The following PRDM16 variants were observed in gnomAD, a reference collection of about 807,000 sequenced individuals.
The protein encoded by PRDM16 is PR/SET domain 16.
In PRDM16, 23 loss-of-function variants were observed where a neutral mutation model predicts 110.6. That is an observed-to-expected ratio of 0.21 (90% CI 0.15 to 0.29). PRDM16 has a LOEUF of 0.29. Ranked by LOEUF, PRDM16 falls within the 10% of genes least tolerant of loss-of-function variation. The pLI is 1.00. For synonymous variants in PRDM16, 799 were observed against 781.8 expected (o/e 1.02, Z -0.37); for missense variants, 1,615 against 1,794.3 (o/e 0.90, Z 1.81).
chr1:3,365,729 C>T (rs1166665040), intron 3 of PRDM16, among the ~76,000 whole-genome samples: 2 of 152,240 alleles, frequency 1.3e-5, no homozygotes, highest in South Asian at 2.1e-4. Flanking sequence ...CACCTCGCCG[C>T]GGCCTCGTTT....
intron 3 of PRDM16, among the ~76,000 whole-genome samples, chr1:3,256,426 G>C (rs1489724592): frequency 6.6e-6 from 1 of 152,144 alleles, no homozygotes; most frequent in African/African-American, 2.4e-5. Context: ...GCTGATACTC[G>C]TTCATCTATT....
At chr1:3,237,545 C>G (rs1639565144) in intron 2 of PRDM16, among the ~76,000 whole-genome samples, 1 of 152,244 alleles carries the variant, frequency 6.6e-6, no homozygotes, top group African/African-American at 2.4e-5. Flanking sequence ...CCAAGGCACT[C>G]TCCGTGGGGC....
Position 3,350,434 on chromosome 1 carries a change from C to T in PRDM16, c.439-34718C>T, listed in dbSNP as rs989445789. On this transcript the variant is annotated intron_variant, in intron 3 of 16. Transcript: ENST00000270722. This position sits in a 1 kb window ranked among gnomAD's most constrained non-coding sequence, Gnocchi z 7.1. Reference sequence around the variant, plus strand: ...CTTTCCCTCCTGGGCTCTACTGCTCCGTCTGTGCAGCCTGGGGCTGCAGTC... The same window carrying T: ...CTTTCCCTCCTGGGCTCTACTGCTCTGTCTGTGCAGCCTGGGGCTGCAGTC... Among the ~76,000 whole-genome samples, 12 of 152,200 alleles carry T rather than the reference C, an allele frequency of 7.9e-5. No homozygotes were observed. Among genetic ancestry groups the T allele is most frequent in the African/African-American group, 2.9e-4 (12 of 41,460 alleles).
rs927501571 is a variant in PRDM16 at position 3,333,580 on chromosome 1, G to A, written c.439-51572G>A. On this transcript the variant is annotated intron_variant, in intron 3 of 16. Transcript: ENST00000270722. The stretch of plus-strand genomic sequence containing the variant: ...AGCACAGACGTCTCTCCTCCAAAAA[G>A]CCTTCCTCCGAAGGCATCTAGAACC... Among the ~76,000 whole-genome samples, 3 of 152,314 alleles carry A rather than the reference G, an allele frequency of 2.0e-5. No individual in the cohort carries two copies. The South Asian group carries it at 6.2e-4, about 32-fold the overall frequency.
At chr1:3,231,195 C>T (rs1300494917) in intron 2 of PRDM16, among the ~76,000 whole-genome samples, 1 of 152,196 alleles carries the variant, frequency 6.6e-6, no homozygotes, top group Non-Finnish European at 1.5e-5. Flanking sequence ...CCTTCATACA[C>T]GTAAAAGCCG....
At chr1:3,124,658 G>A (rs1037607329) in intron 1 of PRDM16, among the ~76,000 whole-genome samples, 1 of 152,228 alleles carries the variant, frequency 6.6e-6, no homozygotes, top group Non-Finnish European at 1.5e-5. Flanking sequence ...GCCTTGGAGC[G>A]GAAGGAAGAA....
chr1:3,296,655 T>C (rs1436317627), intron 3 of PRDM16, among the ~76,000 whole-genome samples: 2 of 152,120 alleles, frequency 1.3e-5, no homozygotes, highest in Admixed American at 1.3e-4. Context: ...GAGGTTGCCA[T>C]GGGGGTCGTG....
intron 3 of PRDM16, among the ~76,000 whole-genome samples, chr1:3,269,930 C>A (rs935823577): frequency 7.0e-6 from 1 of 142,608 alleles, no homozygotes; most frequent in African/African-American, 2.7e-5. Flanking sequence ...GGAGGACAAT[C>A]GGGAGGAGGA....
In PRDM16 at chr1:3,425,496, C is replaced by T. The variant is rs540178965; in HGVS notation, c.2940-85C>T. Reference sequence around the variant, plus strand: ...GTGCACGGGGCACGGGGCAGGGGCGCGGGCTCCCTTCCCCCCACCCTCTGT... The same window carrying T: ...GTGCACGGGGCACGGGGCAGGGGCGTGGGCTCCCTTCCCCCCACCCTCTGT... On this transcript the variant is annotated intron_variant, in intron 12 of 16. Coordinates refer to ENST00000270722, the MANE Select transcript of PRDM16 (RefSeq NM_022114.4). This position sits in a 1 kb window ranked among gnomAD's most constrained non-coding sequence, Gnocchi z 6.9. The T allele has an allele frequency of 1.4e-4, 200 of 1,443,112 alleles. No homozygotes were observed. Among genetic ancestry groups the T allele is most frequent in the African/African-American group, 1.3e-3 (89 of 71,016 alleles). 89.4% of individuals were successfully genotyped at this position (1,443,112 alleles called of 1,614,324 possible). A position where few individuals can be genotyped will look rare whatever the true frequency, so the allele number is the denominator to read the frequency against.
At chr1:3,141,343 T>C (rs551338423) in intron 1 of PRDM16, among the ~76,000 whole-genome samples, 2 of 152,202 alleles carry the variant, frequency 1.3e-5, no homozygotes, top group Non-Finnish European at 2.9e-5. Flanking sequence ...AATTTATGAC[T>C]GGTGCCTGCA....
At chr1:3,224,508 G>T (rs186252331) in intron 2 of PRDM16, among the ~76,000 whole-genome samples, 1 of 151,654 alleles carries the variant, frequency 6.6e-6, no homozygotes, top group African/African-American at 2.4e-5. Flanking sequence ...CCTTCTGCAC[G>T]CACCCACAGC....
chr1:3,126,582 C>T (rs1643213866), intron 1 of PRDM16, among the ~76,000 whole-genome samples: 1 of 152,176 alleles, frequency 6.6e-6, no homozygotes, highest in African/African-American at 2.4e-5. Flanking sequence ...CAATCCCAAG[C>T]AGTGGCCTAC....
intron 3 of PRDM16, among the ~76,000 whole-genome samples, chr1:3,302,856 G>A (rs1314031193): frequency 2.6e-5 from 4 of 152,138 alleles, no homozygotes; most frequent in South Asian, 2.1e-4. Flanking sequence ...CAGACAACCC[G>A]GGTCCTTCAC....
At chr1:3,197,329 C>T (rs1638505506) in intron 2 of PRDM16, among the ~76,000 whole-genome samples, 1 of 152,220 alleles carries the variant, frequency 6.6e-6, no homozygotes, top group African/African-American at 2.4e-5. Flanking sequence ...AGGGCAGGCC[C>T]CTCCTTCCTG....
At chr1:3,117,061 G>A (rs569919269) in intron 1 of PRDM16, among the ~76,000 whole-genome samples, 5 of 152,344 alleles carry the variant, frequency 3.3e-5, no homozygotes, top group South Asian at 4.1e-4. Flanking sequence ...CAGGACCCAC[G>A]GGAAGGGCTA....
At chr1:3,373,452 G>A (rs1208183012) in intron 3 of PRDM16, among the ~76,000 whole-genome samples, 1 of 152,192 alleles carries the variant, frequency 6.6e-6, no homozygotes, top group Non-Finnish European at 1.5e-5. Context: ...CCAGGCCGTC[G>A]TTGCAGACGT....
intron 6 of PRDM16, among the ~76,000 whole-genome samples, chr1:3,403,405 G>A (rs72849683): frequency 0.011 from 1,748 of 152,348 alleles, 33 homozygotes; most frequent in African/African-American, 0.038. Flanking sequence ...GTCCCAGACC[G>A]GGATGGGGGT....
At chr1:3,184,142 G>A (rs1214305256) in intron 1 of PRDM16, among the ~76,000 whole-genome samples, 3 of 152,164 alleles carry the variant, frequency 2.0e-5, no homozygotes, top group East Asian at 1.9e-4. Context: ...AGGATCCGCC[G>A]CGTCAATTAG....
intron 3 of PRDM16, among the ~76,000 whole-genome samples, chr1:3,324,752 C>A (rs573516631): frequency 6.8e-6 from 1 of 146,552 alleles, no homozygotes; most frequent in East Asian, 2.2e-4. Flanking sequence ...CCCTTGATTC[C>A]GTCATCACCC....
Sources: allele counts gnomAD v4.1 joint callset (sites outside exome capture counted in the v4.1 genomes callset), GRCh38; gene constraint gnomAD v4.1.1; non-coding constraint Gnocchi (gnomAD v3.1); transcripts MANE v1.5; gene names NCBI Gene and HGNC (gene_info 2026-07-23, HGNC 2026-07-21).